ZNF264: variants seen among roughly 807,000 people sequenced by gnomAD.
ZNF264 encodes zinc finger protein 264.
In ZNF264, 11 loss-of-function variants were observed where a neutral mutation model predicts 11.2. That is an observed-to-expected ratio of 0.98 (90% CI 0.62 to 1.63). The LOEUF (loss-of-function observed/expected upper bound fraction) is 1.63, where lower values mean the gene tolerates loss of function less well. Among genes scored for constraint, ZNF264 ranks in the 40% most tolerant of loss-of-function variants. The pLI, the probability that ZNF264 is intolerant of heterozygous loss-of-function variation, is 0.00. For synonymous variants in ZNF264, 309 were observed against 279.8 expected (o/e 1.10, Z -1.04); for missense variants, 752 against 768.1 (o/e 0.98, Z 0.25).
intron 2 of ZNF264, among the ~76,000 whole-genome samples, chr19:57,200,002 TA>T (rs1348663360): frequency 0.3 from 26,736 of 89,434 alleles, 2,661 homozygotes; most frequent in African/African-American, 0.47. Context: ...CCTCCACTCC[TA>T]AAAAAAAAAA....
chr19:57,192,046 AGTC>A, intron 1 of ZNF264, 100 bp downstream of exon 1: 1 of 1,175,560 alleles, frequency 8.5e-7, no homozygotes, highest in Admixed American at 3.6e-5. Flanking sequence ...TTGTCTTCGC[AGTC>A]GTCGTTCGCT....
intron 2 of ZNF264, among the ~76,000 whole-genome samples, chr19:57,195,981 C>G (rs2087208991): frequency 6.6e-6 from 1 of 151,686 alleles, no homozygotes; most frequent in African/African-American, 2.4e-5. Context: ...GATTCCTGGA[C>G]CCATGAATCC....
chr19:57,195,824 G>A (rs556609105), intron 2 of ZNF264, among the ~76,000 whole-genome samples: 12 of 151,846 alleles, frequency 7.9e-5, no homozygotes, highest in African/African-American at 1.9e-4. Flanking sequence ...TAATGGAATC[G>A]TTGTGTCTCC....
At chr19:57,198,710 C>T (rs1436141589) in intron 2 of ZNF264, among the ~76,000 whole-genome samples, 14 of 151,980 alleles carry the variant, frequency 9.2e-5, no homozygotes, top group Non-Finnish European at 1.2e-4. Flanking sequence ...AGCGTCAGCT[C>T]GGAGCCAGTG....
chr19:57,215,592 A>G lies in ZNF264; in HGVS notation c.*2611A>G, dbSNP rs190365488. The G allele has an allele frequency of 2.6e-5, 4 of 152,278 alleles. No homozygotes were observed. The highest frequency in any genetic ancestry group is 2.1e-4 in the South Asian group (1 of 4,828). The allele number at this position is 152,278 out of a possible 1,614,324, so 9.4% of individuals were successfully genotyped here. A position where few individuals can be genotyped will look rare whatever the true frequency, so the allele number is the denominator to read the frequency against. On this transcript the variant is annotated 3_prime_UTR_variant, in exon 4 of 4. Transcript: ENST00000263095. ...GCTTTGGTTGTATTTGGCTCTTTCT[A>G]ACTTTTCAAGGTGGGGTTTTAGATT...
At chr19:57,193,595 G>T (rs1373684586) in intron 1 of ZNF264, 2 of 950,610 alleles carry the variant, frequency 2.1e-6, no homozygotes, top group Non-Finnish European at 2.5e-6. Context: ...TTTCCCTGTC[G>T]TTTTAGAGCC....
Position 57,211,601 on chromosome 19 carries a change from T to TTC in ZNF264, c.505_506dup (p.Arg170GlnfsTer27). ...GTTTAGGGACAGCTGATGGTGTGTGTTCAAGGATTGGACAGGAGCAAGTCT... is the reference window on the plus strand; with the variant it reads ...GTTTAGGGACAGCTGATGGTGTGTGTTCTCAAGGATTGGACAGGAGCAAGTCT... On this transcript the variant is annotated frameshift_variant, in exon 4 of 4. Coordinates refer to ENST00000263095, the MANE Select transcript of ZNF264 (RefSeq NM_003417.5). LOFTEE classifies it low-confidence loss of function (END_TRUNC). 1 of 1,614,068 alleles carries TTC rather than the reference T, an allele frequency of 6.2e-7. No individual in the cohort carries two copies. Among genetic ancestry groups the TTC allele is most frequent in the South Asian group, 1.1e-5 (1 of 91,080 alleles).
At chr19:57,208,112 C>T (rs2087307492) in intron 3 of ZNF264, among the ~76,000 whole-genome samples, 1 of 152,198 alleles carries the variant, frequency 6.6e-6, no homozygotes, top group Non-Finnish European at 1.5e-5. Context: ...GCTTCGGCCT[C>T]CCAAAGTGCA....
rs2087174324 is a variant in ZNF264, at chr19:57,191,745, C to G, written c.-169C>G. On this transcript the variant is annotated 5_prime_UTR_variant, in exon 1 of 4. Transcript: ENST00000263095. ...CGCCCTGGGTCTGGAACGCGGTTGC[C>G]ACCGAGGAGGCGGCGGCCCTGCGTC... 2.2e-6 allele frequency: 1 copy of G among 449,292 alleles called. No individual in the cohort carries two copies. Among genetic ancestry groups the G allele is most frequent in the Non-Finnish European group, 3.7e-6 (1 of 271,718 alleles). 27.8% of individuals were successfully genotyped at this position (449,292 alleles called of 1,614,324 possible).
chr19:57,202,699 C>T (rs2087262170), intron 2 of ZNF264, among the ~76,000 whole-genome samples: 1 of 151,910 alleles, frequency 6.6e-6, no homozygotes, highest in African/African-American at 2.4e-5. Flanking sequence ...TTCCGCCACA[C>T]CTTGCCCTAG....
chr19:57,222,518 C>G lies in ZNF264; in HGVS notation c.*9537C>G, dbSNP rs200400368. 2 of 70,554 alleles carry G rather than the reference C, an allele frequency of 2.8e-5. No homozygotes were observed. The highest frequency in any genetic ancestry group is 1.4e-4 in the African/African-American group (2 of 14,144). The allele number at this position is 70,554 out of a possible 1,614,324, so 4.4% of individuals were successfully genotyped here. A position where few individuals can be genotyped will look rare whatever the true frequency, so the allele number is the denominator to read the frequency against. ...GTCTGCTCGCGTTCTCTCTCTCTCT[C>G]TCTCTATATATATATATGTATATGT... On this transcript the variant is annotated 3_prime_UTR_variant, in exon 4 of 4. Transcript: ENST00000263095.
chr19:57,214,938 A>G lies in ZNF264; in HGVS notation c.*1957A>G, dbSNP rs1282269284. 6.6e-6 allele frequency: 1 copy of G among 152,212 alleles called. No individual in the cohort carries two copies. Among genetic ancestry groups the G allele is most frequent in the African/African-American group, 2.4e-5 (1 of 41,460 alleles). 9.4% of individuals were successfully genotyped at this position (152,212 alleles called of 1,614,324 possible). On this transcript the variant is annotated 3_prime_UTR_variant, in exon 4 of 4. Transcript: ENST00000263095. ...TTGTAGAGTATAATTGTTTTTATAT[A>G]TCATTTGACATCATTCCCTTTGTTT...
chr19:57,195,960 T>C (rs2087208841), intron 2 of ZNF264, among the ~76,000 whole-genome samples: 1 of 151,792 alleles, frequency 6.6e-6, no homozygotes, highest in Admixed American at 6.6e-5. Context: ...CCATTTGCAC[T>C]TCCACCCCTT....
intron 2 of ZNF264, among the ~76,000 whole-genome samples, chr19:57,203,652 A>G (rs2087269755): frequency 6.6e-6 from 1 of 152,150 alleles, no homozygotes; most frequent in African/African-American, 2.4e-5. Flanking sequence ...ATTTAACTCT[A>G]TCACAGTAGA....
chr19:57,192,187 C>T (rs2087178760), intron 1 of ZNF264, among the ~76,000 whole-genome samples: 1 of 152,072 alleles, frequency 6.6e-6, no homozygotes, highest in Admixed American at 6.6e-5. Context: ...CATCCTTGGC[C>T]TGCAAGCATT....
chr19:57,197,762 G>T (rs1016473209), intron 2 of ZNF264, among the ~76,000 whole-genome samples: 1 of 151,918 alleles, frequency 6.6e-6, no homozygotes, highest in African/African-American at 2.4e-5. Flanking sequence ...ACCAAATGCA[G>T]CAACTTACTC....
chr19:57,192,244 G>A (rs1293461972), intron 1 of ZNF264: 1 of 734,844 alleles, frequency 1.4e-6, no homozygotes, highest in African/African-American at 1.9e-5. Flanking sequence ...GGGCCTGAGG[G>A]GGGAAGGGGA....
chr19:57,205,370 G>A lies in ZNF264; in HGVS notation c.161-27G>A, dbSNP rs776312595. On this transcript the variant is annotated intron_variant, in intron 2 of 3. Transcript: ENST00000263095. ...TTTATTTCTTTTCACCCACATCCATGTGTCCACTTGCTTTCTCCATAAACA... is the reference window on the plus strand; with the variant it reads ...TTTATTTCTTTTCACCCACATCCATATGTCCACTTGCTTTCTCCATAAACA... 9.5e-6 allele frequency: 15 copies of A among 1,586,994 alleles called. No individual in the cohort carries two copies. The Admixed American group carries it at 2.3e-4, about 24-fold the overall frequency.
rs765719844 is a variant in ZNF264, at chr19:57,211,609, T to A, written c.512T>A (p.Ile171Asn). Reference protein sequence around the residue: ...LGTADGVCSRIGQEQVSPGDR... With the variant: ...LGTADGVCSRNGQEQVSPGDR... ...ACAGCTGATGGTGTGTGTTCAAGGA[T>A]TGGACAGGAGCAAGTCTCTCCAGGA... Residue 171 changes from isoleucine to asparagine, a missense_variant, in exon 4 of 4, where the codon ATT (isoleucine) becomes AAT (asparagine). Physicochemically the swap from Ile to Asn is moderately radical, Grantham distance 149 (BLOSUM62 -3). Coordinates refer to ENST00000263095, the MANE Select transcript of ZNF264 (RefSeq NM_003417.5). 1.2e-6 allele frequency: 2 copies of A among 1,614,084 alleles called. No individual in the cohort carries two copies. Among genetic ancestry groups the A allele is most frequent in the South Asian group, 1.1e-5 (1 of 91,078 alleles).
Sources: allele counts gnomAD v4.1 joint callset (sites outside exome capture counted in the v4.1 genomes callset), GRCh38; gene constraint gnomAD v4.1.1; transcripts MANE v1.5; gene names NCBI Gene and HGNC (gene_info 2026-07-23, HGNC 2026-07-21).